Variants in ANK3 observed in about 807,000 individuals in gnomAD.
The protein encoded by ANK3 is ankyrin-3.
Under a neutral mutation model 370.9 loss-of-function variants are expected in ANK3, and 57 were observed. The ratio of observed to expected loss-of-function variants is 0.15; its 90% CI spans 0.12 to 0.19. The LOEUF (loss-of-function observed/expected upper bound fraction) is 0.19. Ranked by LOEUF, ANK3 falls within the 10% of genes least tolerant of loss-of-function variation. ANK3 has a pLI of 1.00. For synonymous variants in ANK3, 1,929 were observed against 1,946.3 expected (o/e 0.99, Z 0.23); for missense variants, 4,439 against 5,302.1 (o/e 0.84, Z 5.06).
At chr10:60,502,501 T>G (rs936517742) in intron 2 of ANK3, among the ~76,000 whole-genome samples, 1 of 152,140 alleles carries the variant, frequency 6.6e-6, no homozygotes, top group Non-Finnish European at 1.5e-5. Flanking sequence ...TGTAAAACAT[T>G]TGGCAGAATA....
intron 25 of ANK3, among the ~76,000 whole-genome samples, chr10:60,127,730 G>GAGA (rs1565184410): frequency 7.6e-6 from 1 of 132,004 alleles, no homozygotes; most frequent in Non-Finnish European, 1.5e-5. Context: ...ACAGAGTCTC[G>GAGA]CTCTGTCTCC....
chr10:60,403,651 G>A (rs1367496524), intron 2 of ANK3, among the ~76,000 whole-genome samples: 5 of 152,080 alleles, frequency 3.3e-5, no homozygotes, highest in South Asian at 4.1e-4. Context: ...GCAGCGGCGC[G>A]ATCTCGGCTC....
At chr10:60,568,054 C>T (rs2077504815) in intron 2 of ANK3, among the ~76,000 whole-genome samples, 1 of 152,150 alleles carries the variant, frequency 6.6e-6, no homozygotes, top group Non-Finnish European at 1.5e-5. Context: ...GGTGAAGACA[C>T]TATGAACATT....
rs565495204 is a variant in ANK3, at chr10:60,326,534, C to G, written c.115-46895G>C. Among the ~76,000 whole-genome samples the G allele has an allele frequency of 1.8e-4, 28 of 152,052 alleles. 1 individual carries two copies. The South Asian group carries it at 2.9e-3, about 16-fold the overall frequency. On this transcript the variant is annotated intron_variant, in intron 1 of 43. Coordinates refer to ENST00000280772, the MANE Select transcript of ANK3 (RefSeq NM_020987.5). ...TATTTGAACTTGAAAAAGTATTTTT[C>G]ATCTCTGGGTTCTAACGCTTCCTCT...
rs1330388202 is a variant in ANK3, at chr10:60,709,081, AC to A, written c.57+24181del. 2.6e-5 allele frequency among the ~76,000 whole-genome samples: 4 copies of A among 152,178 alleles called. No homozygotes were observed. In the East Asian group the frequency reaches 7.7e-4, roughly 29 times the overall value. ...GTGTCTGGCTATCAAAAACAAAACA[AC>A]AACAACAACAACAACAAAACTTGCA... On this transcript the variant is annotated intron_variant, in intron 1 of 43. Transcript: ENST00000373827.
At chr10:60,139,349 T>G in intron 23 of ANK3, 1 of 415,320 alleles carries the variant, frequency 2.4e-6, no homozygotes, top group Non-Finnish European at 4.2e-6. Flanking sequence ...CGTATCCCTT[T>G]GCTTCCCTGT....
At chr10:60,294,790 T>C (rs1364588831) in intron 1 of ANK3, among the ~76,000 whole-genome samples, 2 of 152,214 alleles carry the variant, frequency 1.3e-5, no homozygotes, top group East Asian at 3.8e-4. Flanking sequence ...TATTTTTCCT[T>C]GACTAGATTT....
chr10:60,320,667 G>T (rs2048430150), intron 1 of ANK3, among the ~76,000 whole-genome samples: 1 of 152,150 alleles, frequency 6.6e-6, no homozygotes, highest in Non-Finnish European at 1.5e-5. Context: ...TGTCTTGGTG[G>T]TTACAGAAAT....
At chr10:60,501,775 A>G (rs1205007035) in intron 2 of ANK3, among the ~76,000 whole-genome samples, 2 of 151,876 alleles carry the variant, frequency 1.3e-5, no homozygotes, top group Non-Finnish European at 2.9e-5. Context: ...ACAGTTTGAG[A>G]CCAGCCTGGG....
chr10:60,132,612 C>T (rs1027022529), intron 25 of ANK3, among the ~76,000 whole-genome samples: 2 of 149,958 alleles, frequency 1.3e-5, no homozygotes, highest in Non-Finnish European at 2.9e-5. Context: ...AATACATGCA[C>T]CTATAATCAA....
chr10:60,602,772 C>G (rs2078081290), intron 2 of ANK3, among the ~76,000 whole-genome samples: 1 of 152,012 alleles, frequency 6.6e-6, no homozygotes, highest in Non-Finnish European at 1.5e-5. Context: ...GCAGATATCT[C>G]CTGATATGAC....
At chr10:60,153,159 A>G (rs1186207575) in intron 23 of ANK3, among the ~76,000 whole-genome samples, 1 of 152,252 alleles carries the variant, frequency 6.6e-6, no homozygotes, top group Non-Finnish European at 1.5e-5. Context: ...GTTCAATTAT[A>G]TGCAGCAGTA....
At chr10:60,252,860 A>G (rs1419698377) in intron 7 of ANK3, among the ~76,000 whole-genome samples, 2 of 152,196 alleles carry the variant, frequency 1.3e-5, no homozygotes, top group Non-Finnish European at 2.9e-5. Flanking sequence ...TTACAGGGGA[A>G]CGTGACTTGC....
intron 28 of ANK3, among the ~76,000 whole-genome samples, chr10:60,091,933 G>A (rs1009634092): frequency 9.9e-4 from 151 of 152,118 alleles, no homozygotes; most frequent in Admixed American, 5.1e-3. Flanking sequence ...GTTTCACCAT[G>A]TTGGCCAGGA....
chr10:60,466,633 A>C (rs780387661), intron 2 of ANK3, among the ~76,000 whole-genome samples: 1 of 152,204 alleles, frequency 6.6e-6, no homozygotes, highest in Non-Finnish European at 1.5e-5. Context: ...CCCAGCAGTA[A>C]TTATTCATGG....
At chr10:60,310,711 G>A (rs2132845853) in intron 1 of ANK3, among the ~76,000 whole-genome samples, 1 of 152,282 alleles carries the variant, frequency 6.6e-6, no homozygotes, top group African/African-American at 2.4e-5. Context: ...AACTCCCAAT[G>A]TCTAAAATGT....
At chr10:60,383,129 C>T (rs2061776079) in intron 1 of ANK3, among the ~76,000 whole-genome samples, 1 of 151,958 alleles carries the variant, frequency 6.6e-6, no homozygotes, top group African/African-American at 2.4e-5. Flanking sequence ...GTTCCAAGAC[C>T]AGGTATTTCT....
Position 60,181,438 on chromosome 10 carries a change from T to C in ANK3, c.2086-11A>G. The C allele has an allele frequency of 6.2e-7, 1 of 1,612,260 alleles. No homozygotes were observed. Among genetic ancestry groups the C allele is most frequent in the Non-Finnish European group, 8.5e-7 (1 of 1,178,266 alleles). On this transcript the variant is annotated splice_polypyrimidine_tract_variant and intron_variant, in intron 17 of 43. Coordinates refer to ENST00000280772, the MANE Select transcript of ANK3 (RefSeq NM_020987.5). ...TGGGGTCAGGCCGCTCTGCAAAAGA[T>C]TCAAAGGGCACAGTCATCGTACAGG...
In ANK3 at chr10:60,173,117, G is replaced by T. The variant is rs1314265133; in HGVS notation, c.2254C>A (p.His752Asn). 1 of 1,613,972 alleles carries T rather than the reference G, an allele frequency of 6.2e-7. No homozygotes were observed. The highest frequency in any genetic ancestry group is 1.3e-5 in the African/African-American group (1 of 74,916). Residue 752 changes from histidine (H) to asparagine (N), a missense_variant, in exon 19 of 44, where the codon CAT (histidine) becomes AAT (asparagine). By Grantham distance (68) the His-to-Asn change is moderately conservative. Around this residue, in one of 13 missense-constraint regions of ANK3, gnomAD observed 702 missense variants for 941.5 expected, o/e 0.75. Transcript: ENST00000280772. ...GTTTTGGCATTAACTTTTGCAGAAT[G>T]CTGGAGCAGGAAATTAACAATCTTG... Reference protein sequence around the residue: ...NIKIVNFLLQHSAKVNAKTKN... With the variant: ...NIKIVNFLLQNSAKVNAKTKN...
Sources: allele counts gnomAD v4.1 joint callset (sites outside exome capture counted in the v4.1 genomes callset), GRCh38; gene constraint gnomAD v4.1.1; regional missense constraint gnomAD v4.1.1; transcripts MANE v1.5; gene names NCBI Gene and HGNC (gene_info 2026-07-23, HGNC 2026-07-21).